The following PCDHA1 variants were observed in gnomAD, a reference collection of about 807,000 sequenced individuals.
PCDHA1 encodes protocadherin alpha 1, also known as protocadherin alpha-1.
A neutral mutation model predicts 61.3 loss-of-function variants in PCDHA1; 42 were observed. That is an observed-to-expected ratio of 0.69 (90% CI 0.54 to 0.89). The LOEUF (loss-of-function observed/expected upper bound fraction) is 0.89, where lower values mean the gene tolerates loss of function less well. PCDHA1 is among the 40% of genes least tolerant of loss of function. The pLI is 0.00. For missense variants in PCDHA1, 1,256 were observed against 1,235.3 expected, an observed-to-expected ratio of 1.02 and a Z score of -0.25; for synonymous variants, 610 against 553.8, an observed-to-expected ratio of 1.10 and a Z score of -1.43.
chr5:141,001,269 C>A (rs536985121), intron 3 of PCDHA1, among the ~76,000 whole-genome samples: 2 of 152,152 alleles, frequency 1.3e-5, no homozygotes, highest in East Asian at 3.9e-4. Context: ...CTCTTATGAA[C>A]TTTTTTTACG....
intron 1 of PCDHA1, chr5:140,862,942 G>C (rs75462656): frequency 5.5e-6 from 3 of 542,062 alleles, no homozygotes; most frequent in Admixed American, 3.9e-5. Flanking sequence ...CTGTGAGTGA[G>C]CTGGTGCGGT....
chr5:140,994,377 G>T (rs1260163825), intron 3 of PCDHA1, among the ~76,000 whole-genome samples: 3 of 152,098 alleles, frequency 2.0e-5, no homozygotes, highest in Non-Finnish European at 4.4e-5. Context: ...GGAAATTCAG[G>T]GGACTAAGTC....
At chr5:140,965,281 G>A (rs574183012) in intron 1 of PCDHA1, among the ~76,000 whole-genome samples, 1 of 152,310 alleles carries the variant, frequency 6.6e-6, no homozygotes, top group African/African-American at 2.4e-5. Flanking sequence ...GACACAGCAT[G>A]GAAAGATTTC....
At chr5:140,941,973 C>T (rs1249999637) in intron 1 of PCDHA1, among the ~76,000 whole-genome samples, 4 of 152,068 alleles carry the variant, frequency 2.6e-5, no homozygotes, top group Admixed American at 1.3e-4. Context: ...TTTACTTTCC[C>T]TAAACCTTGA....
At chr5:140,802,769 C>T (rs267600384) in intron 1 of PCDHA1, 3 of 1,612,988 alleles carry the variant, frequency 1.9e-6, no homozygotes, top group Non-Finnish European at 2.5e-6. Flanking sequence ...AGCCGCTGGA[C>T]CACGAGGAGC....
chr5:140,988,025 G>A (rs1305100946), intron 3 of PCDHA1, among the ~76,000 whole-genome samples: 1 of 152,136 alleles, frequency 6.6e-6, no homozygotes, highest in African/African-American at 2.4e-5. Context: ...TGATTCTTAA[G>A]TTTTTTAGAA....
chr5:140,823,666 A>G (rs2150128103), intron 1 of PCDHA1: 50 of 1,614,028 alleles, frequency 3.1e-5, no homozygotes, highest in Admixed American at 5.0e-5. Context: ...AGGCGAGATC[A>G]GCACAACACG....
chr5:140,796,028 T>C, intron 1 of PCDHA1: 4 of 1,614,218 alleles, frequency 2.5e-6, no homozygotes, highest in Non-Finnish European at 3.4e-6. Context: ...ATAACGTCTC[T>C]CTCACTTCCC....
At chr5:140,892,405 T>C (rs1224393895) in intron 1 of PCDHA1, among the ~76,000 whole-genome samples, 2 of 152,206 alleles carry the variant, frequency 1.3e-5, no homozygotes, top group African/African-American at 2.4e-5. Context: ...ATTTCAAGCT[T>C]CAGGTATTCT....
At chr5:140,895,653 A>G (rs1247218282) in intron 1 of PCDHA1, among the ~76,000 whole-genome samples, 1 of 152,150 alleles carries the variant, frequency 6.6e-6, no homozygotes, top group Non-Finnish European at 1.5e-5. Flanking sequence ...GCTCCCACTT[A>G]TAAGTGAGAA....
chr5:140,821,709 G>A, intron 1 of PCDHA1: 1 of 1,452,026 alleles, frequency 6.9e-7, no homozygotes, highest in African/African-American at 1.4e-5. Context: ...AGTTAATTGG[G>A]AATTGAATTT....
chr5:140,901,829 T>C (rs1449316816), intron 1 of PCDHA1, among the ~76,000 whole-genome samples: 1 of 152,230 alleles, frequency 6.6e-6, no homozygotes, highest in African/African-American at 2.4e-5. Flanking sequence ...TTCCAGTCCA[T>C]AAACATGCAA....
intron 1 of PCDHA1, chr5:140,855,987 T>A: frequency 1.4e-6 from 2 of 1,480,818 alleles, no homozygotes; most frequent in Non-Finnish European, 1.8e-6. Flanking sequence ...ACAGAAAATG[T>A]CAGATCGTAT....
At chr5:140,954,149 G>A (rs1301810560) in intron 1 of PCDHA1, among the ~76,000 whole-genome samples, 2 of 152,204 alleles carry the variant, frequency 1.3e-5, no homozygotes, top group Non-Finnish European at 2.9e-5. Flanking sequence ...ATTCCATGGT[G>A]TATATGTACC....
chr5:140,870,237 A>C, intron 1 of PCDHA1: 1 of 1,614,180 alleles, frequency 6.2e-7, no homozygotes, highest in South Asian at 1.1e-5. Flanking sequence ...ACCGTGACTC[A>C]GGTGTCAACG....
chr5:140,995,388 A>G (rs1467282798), intron 3 of PCDHA1, among the ~76,000 whole-genome samples: 1 of 152,208 alleles, frequency 6.6e-6, no homozygotes. Flanking sequence ...GGCAGGATAA[A>G]GCGGGATGGC....
Position 140,849,797 on chromosome 5 carries a change from A to G in PCDHA1, c.2394+61113A>G, listed in dbSNP as rs2150450643. On this transcript the variant is annotated intron_variant, in intron 1 of 3. Coordinates refer to ENST00000504120, the MANE Select transcript of PCDHA1 (RefSeq NM_018900.4). ...CCGCGCGGGACGGGGGCTCGCCTTC[A>G]CTGTGGGCCACGGCCAGGGTGTCTG... 700 of 1,597,928 alleles carry G rather than the reference A, an allele frequency of 4.4e-4. 59 individuals carry two copies. Among genetic ancestry groups the G allele is most frequent in the Non-Finnish European group, 5.7e-4 (663 of 1,167,700 alleles).
chr5:140,969,587 T>G, intron 1 of PCDHA1: 1 of 850,882 alleles, frequency 1.2e-6, no homozygotes, highest in Non-Finnish European at 1.8e-6. Context: ...AGGATTAGTC[T>G]TAATATTTAA....
chr5:140,821,984 G>A (rs1554128362), intron 1 of PCDHA1: 10 of 1,614,134 alleles, frequency 6.2e-6, no homozygotes, highest in South Asian at 3.3e-5. Flanking sequence ...TCCAAGGGCC[G>A]CGGGGACCTT....
Sources: allele counts gnomAD v4.1 joint callset (sites outside exome capture counted in the v4.1 genomes callset), GRCh38; gene constraint gnomAD v4.1.1; transcripts MANE v1.5; gene names NCBI Gene and HGNC (gene_info 2026-07-23, HGNC 2026-07-21).